SCAMP1: variants seen among roughly 807,000 people sequenced by gnomAD.
The protein encoded by SCAMP1 is secretory carrier-associated membrane protein 1.
A neutral mutation model predicts 41.8 loss-of-function variants in SCAMP1; 15 were observed. The observed-to-expected ratio is 0.36, with a 90% confidence interval of 0.24 to 0.55. The LOEUF is 0.55. Among genes scored for constraint, SCAMP1 ranks in the 20% least tolerant of loss-of-function variants. The pLI is 0.86. For synonymous variants in SCAMP1, 135 were observed against 136.8 expected, an observed-to-expected ratio of 0.99 and a Z score of 0.09; for missense variants, 341 against 412.6, an observed-to-expected ratio of 0.83 and a Z score of 1.50.
chr5:78,414,227 G>A (rs1752152698), intron 2 of SCAMP1, among the ~76,000 whole-genome samples: 1 of 151,670 alleles, frequency 6.6e-6, no homozygotes, highest in African/African-American at 2.4e-5. Flanking sequence ...TGAAAAAAAG[G>A]TCATATACAG....
At chr5:78,452,868 A>T (rs1338112516) in intron 7 of SCAMP1, among the ~76,000 whole-genome samples, 2 of 149,134 alleles carry the variant, frequency 1.3e-5, no homozygotes, top group Non-Finnish European at 3.0e-5. Context: ...TGACTTTTTA[A>T]TGATCGCCAT....
chr5:78,364,482 A>T (rs1750743897), intron 1 of SCAMP1, among the ~76,000 whole-genome samples: 1 of 152,124 alleles, frequency 6.6e-6, no homozygotes, highest in Admixed American at 6.5e-5. Context: ...TCATAGATTA[A>T]AAAACAAAGC....
At chr5:78,462,196 AGTGTGTGTGTGTGT>A (rs58331355) in intron 8 of SCAMP1, among the ~76,000 whole-genome samples, 1 of 147,894 alleles carries the variant, frequency 6.8e-6, no homozygotes, top group African/African-American at 2.5e-5. Flanking sequence ...TGTGTGTAGG[AGTGTGTGTGTGTGT>A]GTGTGTGTGT....
At chr5:78,437,920 A>G (rs1304636156) in intron 6 of SCAMP1, among the ~76,000 whole-genome samples, 6 of 152,082 alleles carry the variant, frequency 3.9e-5, no homozygotes, top group South Asian at 2.1e-4. Flanking sequence ...CAGAGATTGA[A>G]CTTCTTCCTG....
chr5:78,408,474 A>G (rs145187042), intron 2 of SCAMP1, among the ~76,000 whole-genome samples: 1 of 152,338 alleles, frequency 6.6e-6, no homozygotes, highest in African/African-American at 2.4e-5. Context: ...TACTTTTGCC[A>G]AATGCCTGAG....
intron 7 of SCAMP1, among the ~76,000 whole-genome samples, chr5:78,456,347 G>A (rs1367415690): frequency 3.3e-5 from 5 of 151,952 alleles, no homozygotes; most frequent in East Asian, 3.9e-4. Flanking sequence ...CATGTTTAGC[G>A]TTTCCTTCAG....
chr5:78,456,794 C>A (rs964654261), intron 7 of SCAMP1, among the ~76,000 whole-genome samples: 41 of 128,340 alleles, frequency 3.2e-4, no homozygotes, highest in Non-Finnish European at 6.0e-4. Context: ...CAACTTGGTT[C>A]CATTCTCCCC....
At position 78,387,602 on chromosome 5, in the gene SCAMP1, T is replaced by C. The variant is rs1197780724; in HGVS notation, c.58-1235T>C. On this transcript the variant is annotated intron_variant, in intron 1 of 8. Coordinates refer to ENST00000621999, the MANE Select transcript of SCAMP1 (RefSeq NM_004866.6). ...TGGGTAGACTATATCAGAGGGAAGA[T>C]CTGGAACTCAAGGGCTGCTGTTCAG... Among the ~76,000 whole-genome samples the C allele has an allele frequency of 1.9e-4, 29 of 152,140 alleles. 1 individual carries two copies.
At chr5:78,426,373 G>T (rs541917943) in intron 6 of SCAMP1, among the ~76,000 whole-genome samples, 31 of 152,330 alleles carry the variant, frequency 2.0e-4, no homozygotes, top group African/African-American at 6.7e-4. Context: ...TTGCCACACT[G>T]TCTTCCACAA....
Position 78,416,522 on chromosome 5 carries a change from A to C in SCAMP1, c.235-19A>C. 1 of 1,538,900 alleles carries C rather than the reference A, an allele frequency of 6.5e-7. No individual in the cohort carries two copies. The highest frequency in any genetic ancestry group is 1.7e-4 in the Middle Eastern group (1 of 5,898). ...TATACTTCTGACAGTCTATTCACAT[A>C]TTGATATTTTTTATTTAGGAACATG... On this transcript the variant is annotated intron_variant, in intron 3 of 8. Coordinates refer to ENST00000621999, the MANE Select transcript of SCAMP1 (RefSeq NM_004866.6).
intron 8 of SCAMP1, among the ~76,000 whole-genome samples, chr5:78,461,608 C>G (rs1374850800): frequency 6.6e-6 from 1 of 152,214 alleles, no homozygotes; most frequent in Admixed American, 6.5e-5. Flanking sequence ...GACGCCCAGG[C>G]TGGAGTGCAG....
intron 7 of SCAMP1, among the ~76,000 whole-genome samples, chr5:78,451,720 T>G (rs1401984929): frequency 1.3e-5 from 2 of 152,240 alleles, no homozygotes; most frequent in African/African-American, 4.8e-5. Flanking sequence ...TGCCGTGGCA[T>G]GATCTCAGCT....
At chr5:78,467,451 A>G (rs1344922951) in intron 8 of SCAMP1, among the ~76,000 whole-genome samples, 1 of 152,150 alleles carries the variant, frequency 6.6e-6, no homozygotes, top group Non-Finnish European at 1.5e-5. Flanking sequence ...CCAGGTATAC[A>G]GTTTTTCAGG....
chr5:78,428,024 AG>A (rs1167466948), intron 6 of SCAMP1, among the ~76,000 whole-genome samples: 1 of 152,136 alleles, frequency 6.6e-6, no homozygotes, highest in Non-Finnish European at 1.5e-5. Context: ...TGCCTTAAGA[AG>A]CACAAAAACA....
Position 78,475,580 on chromosome 5 carries a change from A to T in SCAMP1, c.929A>T (p.Asn310Ile). Reference protein sequence around the residue: ...QQEFATGVMSNKTVQTAAANA... With the variant: ...QQEFATGVMSIKTVQTAAANA... ...GAGTTTGCAACAGGTGTGATGTCCAACAAAACTGTCCAGACCGCAGCTGCA... is the reference window on the plus strand; with the variant it reads ...GAGTTTGCAACAGGTGTGATGTCCATCAAAACTGTCCAGACCGCAGCTGCA... The change falls in exon 9 of 9, where the codon AAC becomes ATC. Residue 310 changes from asparagine (N) to isoleucine (I), a missense_variant. Coordinates refer to ENST00000621999, the MANE Select transcript of SCAMP1 (RefSeq NM_004866.6). 6.2e-7 allele frequency: 1 copy of T among 1,611,040 alleles called. No individual in the cohort carries two copies. The highest frequency in any genetic ancestry group is 8.5e-7 in the Non-Finnish European group (1 of 1,178,856).
chr5:78,407,770 TTG>T (rs1456368361), intron 2 of SCAMP1, among the ~76,000 whole-genome samples: 5 of 152,142 alleles, frequency 3.3e-5, no homozygotes, highest in Non-Finnish European at 7.3e-5. Context: ...TATTTCATCT[TTG>T]TGTAGTTTGC....
chr5:78,384,276 G>A (rs1408605745), intron 1 of SCAMP1, among the ~76,000 whole-genome samples: 1 of 144,542 alleles, frequency 6.9e-6, no homozygotes, highest in Admixed American at 7.1e-5. Flanking sequence ...GCTGATTTGT[G>A]TACATTAATG....
rs571426808 is a variant in SCAMP1 at position 78,480,015 on chromosome 5, C to T, written c.*4347C>T. 7.9e-5 allele frequency among the ~76,000 whole-genome samples: 12 copies of T among 151,148 alleles called. No individual in the cohort carries two copies. The highest frequency in any genetic ancestry group is 2.9e-4 in the African/African-American group (12 of 40,942). ...GAGCCGAGATCTCTCCACTGCACTC[C>T]AGCCTGGGCGACAGAGCGAGACTCC... On this transcript the variant is annotated 3_prime_UTR_variant, in exon 9 of 9. Coordinates refer to ENST00000621999, the MANE Select transcript of SCAMP1 (RefSeq NM_004866.6).
chr5:78,464,676 A>C (rs989559381), intron 8 of SCAMP1, among the ~76,000 whole-genome samples: 2 of 152,144 alleles, frequency 1.3e-5, no homozygotes, highest in African/African-American at 4.8e-5. Context: ...TACATTCAGA[A>C]ACACCAGCAT....
Sources: allele counts gnomAD v4.1 joint callset (sites outside exome capture counted in the v4.1 genomes callset), GRCh38; gene constraint gnomAD v4.1.1; transcripts MANE v1.5; gene names NCBI Gene and HGNC (gene_info 2026-07-23, HGNC 2026-07-21).